The following TMEM132D variants were observed in gnomAD, a reference collection of about 807,000 sequenced individuals.
The protein encoded by TMEM132D is transmembrane protein 132D.
TMEM132D carries 21 observed loss-of-function variants against 62.3 expected under a neutral mutation model. The ratio of observed to expected loss-of-function variants is 0.34; its 90% confidence interval spans 0.24 to 0.49. The LOEUF (loss-of-function observed/expected upper bound fraction) is 0.49. Ranked by LOEUF, TMEM132D falls within the 20% of genes least tolerant of loss-of-function variation. The pLI, the probability that TMEM132D is intolerant of heterozygous loss-of-function variation, is 0.99. For synonymous variants in TMEM132D, 621 were observed against 575.6 expected, an observed-to-expected ratio of 1.08 and a Z score of -1.13; for missense variants, 1,346 against 1,402.8, an observed-to-expected ratio of 0.96 and a Z score of 0.65.
At chr12:129,496,311 G>A (rs1295353157) in intron 3 of TMEM132D, among the ~76,000 whole-genome samples, 1 of 152,158 alleles carries the variant, frequency 6.6e-6, no homozygotes, top group Non-Finnish European at 1.5e-5. Flanking sequence ...GCACCTTAGT[G>A]GGGAATCTTT....
chr12:129,653,534 G>T (rs1018732428), intron 2 of TMEM132D, among the ~76,000 whole-genome samples: 1 of 152,178 alleles, frequency 6.6e-6, no homozygotes, highest in Non-Finnish European at 1.5e-5. Context: ...ATTCGTATCA[G>T]AGAAACCAGC....
intron 3 of TMEM132D, among the ~76,000 whole-genome samples, chr12:129,503,998 G>GTCA (rs10622725): frequency 0.57 from 85,595 of 150,696 alleles, 25,551 homozygotes; most frequent in African/African-American, 0.78. Flanking sequence ...CATCATTATT[G>GTCA]TCATCATTAC....
At chr12:129,520,028 G>A (rs1043610653) in intron 3 of TMEM132D, among the ~76,000 whole-genome samples, 12 of 152,292 alleles carry the variant, frequency 7.9e-5, no homozygotes, top group Admixed American at 2.6e-4. Flanking sequence ...GCACATATAT[G>A]TATAGATAGA....
intron 3 of TMEM132D, among the ~76,000 whole-genome samples, chr12:129,463,570 C>A (rs1873762214): frequency 6.6e-6 from 1 of 151,716 alleles, no homozygotes; most frequent in African/African-American, 2.4e-5. Context: ...GTGTGCTGCA[C>A]CCATTAACTC....
chr12:129,121,665 G>A (rs528573788), intron 5 of TMEM132D, among the ~76,000 whole-genome samples: 1 of 152,140 alleles, frequency 6.6e-6, no homozygotes, highest in East Asian at 1.9e-4. Context: ...ACCCAGAGAA[G>A]GAAAATGCAG....
At chr12:129,822,260 G>A (rs1872558760) in intron 1 of TMEM132D, among the ~76,000 whole-genome samples, 1 of 152,066 alleles carries the variant, frequency 6.6e-6, no homozygotes, top group Non-Finnish European at 1.5e-5. Flanking sequence ...GACCTGCCGG[G>A]GTCCTGAAGA....
At chr12:129,816,712 C>T (rs926707064) in intron 1 of TMEM132D, among the ~76,000 whole-genome samples, 1 of 152,162 alleles carries the variant, frequency 6.6e-6, no homozygotes, top group Admixed American at 6.5e-5. Flanking sequence ...ATTTCTAAGA[C>T]GTGTGTCACG....
At chr12:129,273,384 C>T (rs1880910884) in intron 4 of TMEM132D, among the ~76,000 whole-genome samples, 1 of 150,562 alleles carries the variant, frequency 6.6e-6, no homozygotes, top group South Asian at 2.1e-4. Context: ...ACCACTTGCT[C>T]CAGCAATCCC....
intron 3 of TMEM132D, among the ~76,000 whole-genome samples, chr12:129,471,888 C>G (rs1293506882): frequency 1.3e-5 from 2 of 152,336 alleles, no homozygotes; most frequent in East Asian, 3.9e-4. Flanking sequence ...AAAGCCTACT[C>G]CAGAGCAAGG....
At chr12:129,470,900 G>T (rs1243192045) in intron 3 of TMEM132D, among the ~76,000 whole-genome samples, 1 of 152,094 alleles carries the variant, frequency 6.6e-6, no homozygotes, top group Non-Finnish European at 1.5e-5. Flanking sequence ...AACCACAAAA[G>T]TTGGTCTGTG....
intron 1 of TMEM132D, among the ~76,000 whole-genome samples, chr12:129,813,480 G>T (rs1461278477): frequency 6.6e-6 from 1 of 151,368 alleles, no homozygotes; most frequent in South Asian, 2.1e-4. Flanking sequence ...ACTGTTGGTG[G>T]GAACGTAAAG....
chr12:129,494,070 C>T (rs545925858), intron 3 of TMEM132D, among the ~76,000 whole-genome samples: 2 of 152,268 alleles, frequency 1.3e-5, no homozygotes, highest in East Asian at 3.9e-4. Context: ...AAGTGAGCAT[C>T]CACGAACACA....
At chr12:129,516,625 TC>T (rs777726225) in intron 3 of TMEM132D, among the ~76,000 whole-genome samples, 2 of 152,170 alleles carry the variant, frequency 1.3e-5, no homozygotes, top group Admixed American at 1.3e-4. Context: ...ACTGGGTCCT[TC>T]CCACAACATG....
chr12:129,807,219 C>T (rs1335664849), intron 1 of TMEM132D, among the ~76,000 whole-genome samples: 1 of 152,178 alleles, frequency 6.6e-6, no homozygotes, highest in Non-Finnish European at 1.5e-5. Flanking sequence ...AGCAGCTACC[C>T]CTGTAGCCAG....
intron 1 of TMEM132D, among the ~76,000 whole-genome samples, chr12:129,819,568 C>A (rs2137323890): frequency 6.6e-6 from 1 of 152,062 alleles, no homozygotes; most frequent in Admixed American, 6.6e-5. Flanking sequence ...ACTCTGGAGT[C>A]TGCGGACCCT....
chr12:129,380,265 C>A (rs73151033), intron 3 of TMEM132D, among the ~76,000 whole-genome samples: 6,710 of 152,136 alleles, frequency 0.044, 198 homozygotes, highest in South Asian at 0.088. Flanking sequence ...ACTTAGCAGG[C>A]AAACGTCTAG....
At chr12:129,595,421 G>A (rs887081014) in intron 2 of TMEM132D, among the ~76,000 whole-genome samples, 2 of 152,326 alleles carry the variant, frequency 1.3e-5, no homozygotes, top group South Asian at 4.1e-4. Flanking sequence ...ATGACCACAG[G>A]GGGAGAGAAG....
chr12:129,706,096 A>C (rs1881500409), intron 1 of TMEM132D, among the ~76,000 whole-genome samples: 2 of 151,746 alleles, frequency 1.3e-5, no homozygotes, highest in South Asian at 4.2e-4. Flanking sequence ...AGATAAACAA[A>C]AATAGAAAAC....
intron 3 of TMEM132D, among the ~76,000 whole-genome samples, chr12:129,423,048 C>G (rs1872376565): frequency 6.6e-6 from 1 of 151,460 alleles, no homozygotes; most frequent in Non-Finnish European, 1.5e-5. Flanking sequence ...AGCACATATA[C>G]ATGTATATAC....
Sources: gnomAD v4.1 joint callset for allele counts (sites outside exome capture counted in the v4.1 genomes callset) on GRCh38, gnomAD v4.1.1 for gene constraint, MANE v1.5 for transcripts, NCBI Gene and HGNC (gene_info 2026-07-23, HGNC 2026-07-21) for gene names.